Variants in NKAIN2 observed in about 807,000 individuals in gnomAD.
The protein encoded by NKAIN2 is sodium/potassium-transporting ATPase subunit beta-1-interacting protein 2.
A neutral mutation model predicts 32.6 loss-of-function variants in NKAIN2; 14 were observed. The ratio of observed to expected loss-of-function variants is 0.43; its 90% CI spans 0.28 to 0.67. The LOEUF (loss-of-function observed/expected upper bound fraction) is 0.67. NKAIN2 is among the 30% of genes least tolerant of loss of function. The pLI, the probability that NKAIN2 is intolerant of heterozygous loss-of-function variation, is 0.17. For missense variants in NKAIN2, 198 were observed against 258.3 expected, an observed-to-expected ratio of 0.77 and a Z score of 1.60; for synonymous variants, 80 against 87.2, an observed-to-expected ratio of 0.92 and a Z score of 0.46.
intron 3 of NKAIN2, among the ~76,000 whole-genome samples, chr6:124,476,577 G>C (rs1777226569): frequency 6.6e-6 from 1 of 152,094 alleles, no homozygotes; most frequent in South Asian, 2.1e-4. Flanking sequence ...ATTAAATCTA[G>C]TCAGTGTTAA....
intron 2 of NKAIN2, among the ~76,000 whole-genome samples, chr6:124,344,832 A>T (rs13212830): frequency 0.32 from 49,073 of 151,766 alleles, 8,815 homozygotes; most frequent in South Asian, 0.46. Context: ...ATTTCCTTCT[A>T]CTGCCTGATT....
At chr6:124,251,073 T>C (rs1320153497) in intron 1 of NKAIN2, among the ~76,000 whole-genome samples, 1 of 152,062 alleles carries the variant, frequency 6.6e-6, no homozygotes, top group Non-Finnish European at 1.5e-5. Flanking sequence ...TGAAATCTAT[T>C]GTTTTAAAAT....
intron 3 of NKAIN2, among the ~76,000 whole-genome samples, chr6:124,480,892 C>T (rs953504899): frequency 6.6e-6 from 1 of 152,050 alleles, no homozygotes; most frequent in African/African-American, 2.4e-5. Context: ...CTTTGTGGAA[C>T]AACTGAAATA....
intron 3 of NKAIN2, among the ~76,000 whole-genome samples, chr6:124,490,622 T>C (rs1329162764): frequency 6.6e-6 from 1 of 151,688 alleles, no homozygotes; most frequent in Non-Finnish European, 1.5e-5. Flanking sequence ...TGAGCTAAAA[T>C]GAACCATGAT....
At chr6:124,025,302 G>C (rs2114770802) in intron 1 of NKAIN2, among the ~76,000 whole-genome samples, 1 of 152,262 alleles carries the variant, frequency 6.6e-6, no homozygotes, top group South Asian at 2.1e-4. Flanking sequence ...TTGCTGGTCT[G>C]AGACATGCAG....
intron 3 of NKAIN2, among the ~76,000 whole-genome samples, chr6:124,591,608 A>G (rs1781915794): frequency 1.3e-5 from 2 of 152,152 alleles, no homozygotes; most frequent in South Asian, 2.1e-4. Flanking sequence ...TATCAAAGCA[A>G]TTTGAAAGGG....
intron 4 of NKAIN2, among the ~76,000 whole-genome samples, chr6:124,717,955 A>G (rs1775831602): frequency 6.6e-6 from 1 of 152,192 alleles, no homozygotes; most frequent in Non-Finnish European, 1.5e-5. Context: ...GAAAACCCTG[A>G]GTTAAATGGT....
intron 1 of NKAIN2, among the ~76,000 whole-genome samples, chr6:124,085,186 A>G (rs1026107689): frequency 6.6e-6 from 1 of 152,074 alleles, no homozygotes; most frequent in Non-Finnish European, 1.5e-5. Context: ...TATGCTCATC[A>G]GTTGGAATTC....
chr6:124,525,139 G>A (rs1779263540), intron 3 of NKAIN2, among the ~76,000 whole-genome samples: 1 of 152,092 alleles, frequency 6.6e-6, no homozygotes, highest in African/African-American at 2.4e-5. Context: ...CTTAGGGAGA[G>A]ATAGGAAAAA....
chr6:124,649,814 C>T (rs1784303485), intron 3 of NKAIN2, among the ~76,000 whole-genome samples: 1 of 152,120 alleles, frequency 6.6e-6, no homozygotes, highest in African/African-American at 2.4e-5. Context: ...AAAGCTGGTT[C>T]AAAATTCATG....
At chr6:123,828,987 G>C (rs1774265131) in intron 1 of NKAIN2, 1 of 152,096 alleles carries the variant, frequency 6.6e-6, no homozygotes, top group Admixed American at 6.6e-5. Context: ...GCATTCTGTA[G>C]GTGCTCAATA....
At chr6:124,544,416 A>T (rs1183612098) in intron 3 of NKAIN2, among the ~76,000 whole-genome samples, 1 of 141,128 alleles carries the variant, frequency 7.1e-6, no homozygotes, top group Non-Finnish European at 1.6e-5. Context: ...CCTTACCAGC[A>T]TAGGTCCTCC....
chr6:124,108,691 T>C (rs962760518), intron 1 of NKAIN2, among the ~76,000 whole-genome samples: 1 of 152,076 alleles, frequency 6.6e-6, no homozygotes, highest in African/African-American at 2.4e-5. Flanking sequence ...ATTTAAGCTA[T>C]TAATTCATTT....
intron 1 of NKAIN2, among the ~76,000 whole-genome samples, chr6:123,870,290 T>A (rs1303941455): frequency 1.3e-5 from 2 of 151,380 alleles, no homozygotes; most frequent in East Asian, 3.9e-4. Context: ...TTGGGGGGAG[T>A]TGGGGAAGGA....
intron 3 of NKAIN2, among the ~76,000 whole-genome samples, chr6:124,397,502 T>A (rs1333835894): frequency 6.6e-6 from 1 of 151,774 alleles, no homozygotes; most frequent in East Asian, 1.9e-4. Flanking sequence ...CCTGCTTTAT[T>A]GATTGAGATA....
At chr6:124,413,581 A>C (rs558725) in intron 3 of NKAIN2, among the ~76,000 whole-genome samples, 29,666 of 152,122 alleles carry the variant, frequency 0.2, 2,975 homozygotes, top group East Asian at 0.24. Flanking sequence ...TCAGTGTCTC[A>C]AAATATCTTG....
At chr6:124,119,986 A>G (rs977666783) in intron 1 of NKAIN2, among the ~76,000 whole-genome samples, 2 of 152,140 alleles carry the variant, frequency 1.3e-5, no homozygotes, top group Non-Finnish European at 2.9e-5. Context: ...ATCCCAGAGT[A>G]ACGTAAAGTC....
chr6:123,916,289 G>A (rs1029432451), intron 1 of NKAIN2, among the ~76,000 whole-genome samples: 29 of 152,124 alleles, frequency 1.9e-4, no homozygotes, highest in African/African-American at 6.3e-4. Flanking sequence ...GTCTCATTCT[G>A]TCACCCAGGC....
At position 124,194,426 on chromosome 6, in the gene NKAIN2, GT is replaced by G. The variant is rs1330112724; in HGVS notation, c.55-88574del. Among the ~76,000 whole-genome samples, 17 of 151,928 alleles carry G rather than the reference GT, an allele frequency of 1.1e-4. No homozygotes were observed. In the East Asian group the frequency reaches 2.9e-3, roughly 26 times the overall value. ...TCTTTCATTGACGGCATACATTTGT[GT>G]TTTTCTTTTATATCTACTCTGGCAA... On this transcript the variant is annotated intron_variant, in intron 1 of 6. Transcript: ENST00000368417.
Sources: gnomAD v4.1 joint callset for allele counts (sites outside exome capture counted in the v4.1 genomes callset) on GRCh38, gnomAD v4.1.1 for gene constraint, MANE v1.5 for transcripts, NCBI Gene and HGNC (gene_info 2026-07-23, HGNC 2026-07-21) for gene names.